The following CSMD1 variants were observed in gnomAD, a reference collection of about 807,000 sequenced individuals.
CSMD1 encodes CUB and sushi domain-containing protein 1.
A neutral mutation model predicts 417.5 loss-of-function variants in CSMD1; 213 were observed. The ratio of observed to expected loss-of-function variants is 0.51; its 90% confidence interval spans 0.46 to 0.57. The LOEUF (loss-of-function observed/expected upper bound fraction) is 0.57. CSMD1 is among the 20% of genes least tolerant of loss of function. CSMD1 has a pLI of 0.00. For synonymous variants in CSMD1, 2,862 were observed against 1,736.8 expected, an observed-to-expected ratio of 1.65 and a Z score of -16.11; for missense variants, 6,923 against 4,529.7, an observed-to-expected ratio of 1.53 and a Z score of -15.17.
intron 1 of CSMD1, among the ~76,000 whole-genome samples, chr8:4,797,442 TA>T (rs1563415467): frequency 6.6e-6 from 1 of 152,128 alleles, no homozygotes; most frequent in East Asian, 1.9e-4. Context: ...AACACCTAAG[TA>T]CCAAATATAG....
intron 5 of CSMD1, among the ~76,000 whole-genome samples, chr8:3,949,093 A>G (rs1365229506): frequency 2.0e-5 from 3 of 152,198 alleles, no homozygotes; most frequent in Admixed American, 2.0e-4. Context: ...TACAAATTAT[A>G]CCTATTTATG....
At chr8:3,669,698 C>G (rs1038423523) in intron 7 of CSMD1, among the ~76,000 whole-genome samples, 1 of 152,028 alleles carries the variant, frequency 6.6e-6, no homozygotes, top group Non-Finnish European at 1.5e-5. Flanking sequence ...AGGCGTTATG[C>G]TAGGAACTGG....
intron 3 of CSMD1, among the ~76,000 whole-genome samples, chr8:4,292,509 C>T (rs1797429178): frequency 6.6e-6 from 1 of 152,124 alleles, no homozygotes; most frequent in African/African-American, 2.4e-5. Flanking sequence ...GCCTTGGCCT[C>T]CCCGAGTGCT....
At position 4,064,002 on chromosome 8, in the gene CSMD1, T is replaced by A. The variant is rs148967229; in HGVS notation, c.416-31903A>T. On this transcript the variant is annotated intron_variant, in intron 3 of 69. Coordinates refer to ENST00000635120, the MANE Select transcript of CSMD1 (RefSeq NM_033225.6). ...TGTTGGGAAAATGGGGAAATGAGTGTACCTAAAGAAGCCTCAGATGCTCAA... is the reference window on the plus strand; with the variant it reads ...TGTTGGGAAAATGGGGAAATGAGTGAACCTAAAGAAGCCTCAGATGCTCAA... 2.7e-3 allele frequency among the ~76,000 whole-genome samples: 413 copies of A among 152,220 alleles called. 2 individuals carry two copies. Among genetic ancestry groups the A allele is most frequent in the African/African-American group, 9.6e-3 (398 of 41,556 alleles).
rs140658359 is a variant in CSMD1, at chr8:4,742,925, T to G, written c.86-105367A>C. Among the ~76,000 whole-genome samples the G allele has an allele frequency of 6.8e-4, 103 of 152,246 alleles. No homozygotes were observed. In the East Asian group the frequency reaches 0.019, roughly 28 times the overall value. ...TTAAAAAAAATCTGAAAATAAATTGTAAAAATGTATAAATGATACCAAAAG... is the reference window on the plus strand; with the variant it reads ...TTAAAAAAAATCTGAAAATAAATTGGAAAAATGTATAAATGATACCAAAAG... On this transcript the variant is annotated intron_variant, in intron 1 of 69. Coordinates refer to ENST00000635120, the MANE Select transcript of CSMD1 (RefSeq NM_033225.6).
intron 54 of CSMD1, among the ~76,000 whole-genome samples, chr8:2,988,304 A>T (rs1278699264): frequency 6.6e-6 from 1 of 152,156 alleles, no homozygotes; most frequent in South Asian, 2.1e-4. Context: ...GCATATCTGG[A>T]CACATGTTTT....
intron 2 of CSMD1, among the ~76,000 whole-genome samples, chr8:4,551,725 T>A (rs1333106014): frequency 6.6e-6 from 1 of 151,976 alleles, no homozygotes; most frequent in Non-Finnish European, 1.5e-5. Flanking sequence ...CAGGCTGGAG[T>A]CCAGGCTGGA....
rs954542984 is a variant in CSMD1, at chr8:2,967,531, C to CT, written c.8924-786dup. ...TTCAGGGTGAACATTTCAATCTACACTTTTTTTTTTCCCTTTTTTAGTCGA... is the reference window on the plus strand; with the variant it reads ...TTCAGGGTGAACATTTCAATCTACACTTTTTTTTTTTCCCTTTTTTAGTCGA... On this transcript the variant is annotated intron_variant, in intron 57 of 69. Coordinates refer to ENST00000635120, the MANE Select transcript of CSMD1 (RefSeq NM_033225.6). Among the ~76,000 whole-genome samples, 29 of 149,412 alleles carry CT rather than the reference C, an allele frequency of 1.9e-4. No homozygotes were observed. In the South Asian group the frequency reaches 2.1e-3, roughly 11 times the overall value.
intron 7 of CSMD1, among the ~76,000 whole-genome samples, chr8:3,683,971 A>G (rs908196805): frequency 6.6e-6 from 1 of 151,750 alleles, no homozygotes; most frequent in African/African-American, 2.4e-5. Flanking sequence ...GCTTCATGTG[A>G]TTGAGAAGTA....
chr8:4,336,721 G>T (rs139663597), intron 3 of CSMD1, among the ~76,000 whole-genome samples: 1 of 152,076 alleles, frequency 6.6e-6, no homozygotes, highest in African/African-American at 2.4e-5. Context: ...TTCTTTCTAG[G>T]ATCCAATTAC....
chr8:3,709,680 G>GGCTTTTTTTT lies in CSMD1; in HGVS notation c.932-1190_932-1189insAAAAAAAAGC, dbSNP rs1554518393. On this transcript the variant is annotated intron_variant, in intron 6 of 69. Coordinates refer to ENST00000635120, the MANE Select transcript of CSMD1 (RefSeq NM_033225.6). Reference sequence around the variant, plus strand: ...GATGGGCTTTAAATTGCAGCAGCATGTTTTTTTTTTTTTTTTTTTTTTTTT... The same window carrying GGCTTTTTTTT: ...GATGGGCTTTAAATTGCAGCAGCATGGCTTTTTTTTTTTTTTTTTTTTTTTTTTTTTTTTT... Among the ~76,000 whole-genome samples the GGCTTTTTTTT allele has an allele frequency of 1.8e-3, 59 of 33,680 alleles. 4 individuals are homozygous for GGCTTTTTTTT. The highest frequency in any genetic ancestry group is 6.0e-3 in the African/African-American group (57 of 9,450). The allele number at this position is 33,680 out of a possible 152,430, so 22.1% of individuals were successfully genotyped here.
chr8:3,403,125 C>G (rs1812139388), intron 15 of CSMD1, among the ~76,000 whole-genome samples: 1 of 152,068 alleles, frequency 6.6e-6, no homozygotes, highest in Non-Finnish European at 1.5e-5. Flanking sequence ...GGGCATGAGA[C>G]CTATAACTTA....
chr8:4,396,148 G>T (rs796369652), intron 3 of CSMD1, among the ~76,000 whole-genome samples: 6 of 152,174 alleles, frequency 3.9e-5, no homozygotes, highest in African/African-American at 1.4e-4. Flanking sequence ...GCTAAATATA[G>T]AAGTAATTAT....
At chr8:3,037,886 C>G (rs1810800096) in intron 50 of CSMD1, among the ~76,000 whole-genome samples, 1 of 152,154 alleles carries the variant, frequency 6.6e-6, no homozygotes, top group Admixed American at 6.5e-5. Flanking sequence ...AGATTTCCAA[C>G]TGAATCTAGA....
At chr8:3,556,601 C>T (rs74671370) in intron 10 of CSMD1, among the ~76,000 whole-genome samples, 4,029 of 151,268 alleles carry the variant, frequency 0.027, 190 homozygotes, top group African/African-American at 0.092. Context: ...CTATCATTGC[C>T]TTTAGGGCTG....
At chr8:3,118,651 C>T (rs992593705) in intron 41 of CSMD1, 64 bp from the exon 42 acceptor site, 2 of 1,439,954 alleles carry the variant, frequency 1.4e-6, no homozygotes, top group East Asian at 4.6e-5. Context: ...TCGGAATTTG[C>T]AGGAGTGTCA....
At chr8:3,305,726 T>C (rs114775627) in intron 25 of CSMD1, among the ~76,000 whole-genome samples, 6,525 of 152,252 alleles carry the variant, frequency 0.043, 183 homozygotes, top group African/African-American at 0.083. Flanking sequence ...GTTGCCCAGG[T>C]TGGAGTACAG....
chr8:3,783,400 G>C (rs989379397), intron 5 of CSMD1, among the ~76,000 whole-genome samples: 2 of 152,224 alleles, frequency 1.3e-5, no homozygotes, highest in Admixed American at 1.3e-4. Context: ...GTGACCCACG[G>C]CTGGCACAGT....
intron 2 of CSMD1, among the ~76,000 whole-genome samples, chr8:4,462,055 TA>T (rs1228149870): frequency 1.3e-5 from 2 of 151,914 alleles, no homozygotes; most frequent in African/African-American, 4.8e-5. Flanking sequence ...TCTTATTTTT[TA>T]TAGGGATGAA....
Sources: allele counts gnomAD v4.1 joint callset (sites outside exome capture counted in the v4.1 genomes callset), GRCh38; gene constraint gnomAD v4.1.1; transcripts MANE v1.5; gene names NCBI Gene and HGNC (gene_info 2026-07-23, HGNC 2026-07-21).